Variants in ZMYM1 observed in about 807,000 individuals in gnomAD.
ZMYM1 encodes the protein zinc finger MYM-type containing 1, also known as zinc finger MYM-type protein 1.
Under a neutral mutation model 60.0 loss-of-function variants are expected in ZMYM1, and 39 were observed. The ratio of observed to expected loss-of-function variants is 0.65; its 90% CI spans 0.50 to 0.85. ZMYM1 has a LOEUF of 0.85. Among genes scored for constraint, ZMYM1 ranks in the 40% least tolerant of loss-of-function variants. The pLI is 0.00. For missense variants in ZMYM1, 1,171 were observed against 1,309.5 expected, an observed-to-expected ratio of 0.89 and a Z score of 1.63; for synonymous variants, 413 against 454.0, an observed-to-expected ratio of 0.91 and a Z score of 1.15.
chr1:35,084,362 A>G (rs1010486174), intron 1 of ZMYM1, among the ~76,000 whole-genome samples: 2 of 152,082 alleles, frequency 1.3e-5, no homozygotes, highest in Non-Finnish European at 2.9e-5. Context: ...CTTAGTCCAT[A>G]AATTATTACT....
intron 4 of ZMYM1, among the ~76,000 whole-genome samples, chr1:35,097,981 G>A (rs1170542322): frequency 2.0e-5 from 3 of 152,112 alleles, no homozygotes; most frequent in African/African-American, 7.2e-5. Flanking sequence ...TGTCGTCTTG[G>A]TTTAGTAAAA....
intron 3 of ZMYM1, among the ~76,000 whole-genome samples, chr1:35,096,362 T>A (rs982900284): frequency 1.3e-5 from 2 of 150,776 alleles, no homozygotes; most frequent in African/African-American, 4.9e-5. Context: ...TGGTGCCTCA[T>A]GCCTGTAATC....
In ZMYM1 at chr1:35,104,480, A is replaced by G. The variant is rs144711610; in HGVS notation, c.594+11A>G. On this transcript the variant is annotated intron_variant, in intron 5 of 9. Transcript: ENST00000359858. Reference sequence around the variant, plus strand: ...CAGAAGACTGCTATTGTAAGTTCCAATTATAACCTTTACAGGGATTCTGAT... The same window carrying G: ...CAGAAGACTGCTATTGTAAGTTCCAGTTATAACCTTTACAGGGATTCTGAT... 3 of 1,609,524 alleles carry G rather than the reference A, an allele frequency of 1.9e-6. No individual in the cohort carries two copies. Among genetic ancestry groups the G allele is most frequent in the South Asian group, 2.2e-5 (2 of 90,770 alleles).
chr1:35,063,731 C>G (rs1641917424), intron 1 of ZMYM1, among the ~76,000 whole-genome samples: 1 of 152,200 alleles, frequency 6.6e-6, no homozygotes, highest in Non-Finnish European at 1.5e-5. Flanking sequence ...TTGACGATCT[C>G]TATCACAATA....
downstream of ZMYM1, among the ~76,000 whole-genome samples, chr1:35,116,700 C>T (rs984021158): frequency 5.3e-5 from 8 of 152,070 alleles, no homozygotes; most frequent in Admixed American, 1.3e-4. Context: ...TCAGGTAATA[C>T]GCCCACCTGG....
rs750946463 is a variant in ZMYM1 at position 35,113,428 on chromosome 1, A to G, written c.1598A>G (p.Asp533Gly). 3.7e-6 allele frequency: 6 copies of G among 1,613,854 alleles called. No individual in the cohort carries two copies. In the Admixed American group the frequency reaches 8.3e-5, roughly 22 times the overall value. The change falls in exon 10 of 10, where the codon GAT (aspartate) becomes GGT (glycine). Residue 533 changes from aspartate (D) to glycine (G), a missense_variant. Transcript: ENST00000359858. ...LEFWREYQFC[D>G]GAVSDDLSIH... ...TTTTGGAGAGAATACCAATTTTGTG[A>G]TGGAGCTGTCAGTGACGATTTATCT...
At chr1:35,116,843 T>TTTA (rs1644254006), downstream of ZMYM1, among the ~76,000 whole-genome samples, 1 of 132,066 alleles carries the variant, frequency 7.6e-6, no homozygotes, top group Non-Finnish European at 1.6e-5. Context: ...GAATTTTTTT[T>TTTA]TTTTTTTTTT....
chr1:35,099,981 C>T (rs1643554482), intron 4 of ZMYM1, among the ~76,000 whole-genome samples: 1 of 152,204 alleles, frequency 6.6e-6, no homozygotes. Context: ...ACCTCCACCT[C>T]CTGGGTTCAA....
chr1:35,079,827 C>A (rs930907950), intron 1 of ZMYM1, among the ~76,000 whole-genome samples: 6 of 152,290 alleles, frequency 3.9e-5, no homozygotes, highest in African/African-American at 1.4e-4. Flanking sequence ...AAGTTTGACT[C>A]CTGGCCGGGC....
At chr1:35,088,504 GTACA>G (rs1357598350) in intron 1 of ZMYM1, among the ~76,000 whole-genome samples, 10 of 108,616 alleles carry the variant, frequency 9.2e-5, no homozygotes, top group African/African-American at 2.2e-4. Flanking sequence ...GTGTGTGTAT[GTACA>G]TATATGTATA....
intron 6 of ZMYM1, among the ~76,000 whole-genome samples, chr1:35,106,527 T>C (rs1557696936): frequency 1.4e-5 from 2 of 147,656 alleles, no homozygotes; most frequent in African/African-American, 2.5e-5. Flanking sequence ...GAAAATCTCT[T>C]GAACCCGGGA....
intron 1 of ZMYM1, among the ~76,000 whole-genome samples, chr1:35,060,247 G>A (rs974711119): frequency 6.6e-6 from 1 of 151,570 alleles, no homozygotes; most frequent in African/African-American, 2.4e-5. Context: ...TCGGCTCACT[G>A]CAACCTCTGT....
intron 4 of ZMYM1, among the ~76,000 whole-genome samples, chr1:35,098,833 G>A (rs1443217257): frequency 6.6e-6 from 1 of 151,872 alleles, no homozygotes; most frequent in East Asian, 1.9e-4. Flanking sequence ...CTTGAACCCG[G>A]GAGGCTAAAG....
rs200985906 is a variant in ZMYM1 at position 35,104,406 on chromosome 1, A to G, written c.531A>G (p.Pro177=). ...CATCATATGAAGAAAAAAGAAAACC[A>G]TTTGTTACCATATGTACTAATAGCA... The part of the protein sequence containing the change: ...CLSSYEEKRK[P]FVTICTNSIL... The change falls in exon 5 of 10, where the codon CCA becomes CCG. Residue 177 remains proline (P), a synonymous_variant. Coordinates refer to ENST00000359858, the MANE Select transcript of ZMYM1 (RefSeq NM_024772.5). 5.1e-5 allele frequency: 82 copies of G among 1,612,948 alleles called. No individual in the cohort carries two copies. The Middle Eastern group carries it at 2.5e-3, about 49-fold the overall frequency.
At chr1:35,093,206 A>G (rs1205654784) in intron 1 of ZMYM1, 2 of 152,484 alleles carry the variant, frequency 1.3e-5, no homozygotes, top group Non-Finnish European at 2.9e-5. Flanking sequence ...GAGGAACTGA[A>G]GAAGCAAATG....
downstream of ZMYM1, among the ~76,000 whole-genome samples, chr1:35,117,730 C>T (rs1227584461): frequency 6.6e-6 from 1 of 151,458 alleles, no homozygotes; most frequent in African/African-American, 2.4e-5. Context: ...CACTTGAGGT[C>T]GGGAGTTCAA....
chr1:35,116,835 A>ATTTTTTTTTTTTTT (rs10671957), downstream of ZMYM1, among the ~76,000 whole-genome samples: 12 of 88,966 alleles, frequency 1.3e-4, 1 homozygote, highest in African/African-American at 5.5e-4. Flanking sequence ...TAGGCCTGGA[A>ATTTTTTTTTTTTTT]TTTTTTTTTT....
In ZMYM1 at chr1:35,081,759, A is replaced by C. The variant is rs560412750; in HGVS notation, c.-75+2317A>C. 4.9e-4 allele frequency among the ~76,000 whole-genome samples: 75 copies of C among 152,146 alleles called. 1 individual carries two copies. In the South Asian group the frequency reaches 0.015, roughly 30 times the overall value. On this transcript the variant is annotated intron_variant, in intron 1 of 9. Coordinates refer to ENST00000359858, the MANE Select transcript of ZMYM1 (RefSeq NM_024772.5). ...CACCCAGGCTGGAATGCAGTGGCAC[A>C]ATCTCGGCTCACTGTAGCCTCTGAC...
At chr1:35,076,830 G>A (rs1346613591), upstream of ZMYM1, among the ~76,000 whole-genome samples, 1 of 151,482 alleles carries the variant, frequency 6.6e-6, no homozygotes, top group African/African-American at 2.4e-5. Context: ...TACTTGAGAG[G>A]CTGCAGCAGG....
Sources: gnomAD v4.1 joint callset for allele counts (sites outside exome capture counted in the v4.1 genomes callset) on GRCh38, gnomAD v4.1.1 for gene constraint, MANE v1.5 for transcripts, NCBI Gene and HGNC (gene_info 2026-07-23, HGNC 2026-07-21) for gene names.